The following COL26A1 variants were observed in gnomAD, a reference collection of about 807,000 sequenced individuals.
The protein encoded by COL26A1 is collagen type XXVI alpha 1 chain.
COL26A1 carries 41 observed loss-of-function variants against 59.3 expected under a neutral mutation model. That is an observed-to-expected ratio of 0.69 (90% CI 0.54 to 0.90). The LOEUF (loss-of-function observed/expected upper bound fraction) is 0.90. Ranked by LOEUF, COL26A1 falls within the 40% of genes least tolerant of loss-of-function variation. The pLI is 0.00. For missense variants in COL26A1, 612 were observed against 602.3 expected (o/e 1.02, Z -0.17); for synonymous variants, 266 against 256.0 (o/e 1.04, Z -0.37).
chr7:101,405,095 G>A (rs898341621), intron 1 of COL26A1, among the ~76,000 whole-genome samples: 2 of 151,532 alleles, frequency 1.3e-5, no homozygotes, highest in African/African-American at 2.4e-5. Flanking sequence ...GGTGGCAGGC[G>A]CCTGTAGTCC....
intron 3 of COL26A1, among the ~76,000 whole-genome samples, chr7:101,514,065 G>C (rs1794979652): frequency 6.6e-6 from 1 of 152,160 alleles, no homozygotes; most frequent in Non-Finnish European, 1.5e-5. Flanking sequence ...GCTCGGCACG[G>C]TGGCTCACTC....
intron 3 of COL26A1, among the ~76,000 whole-genome samples, chr7:101,515,631 G>C (rs982630002): frequency 6.7e-6 from 1 of 149,222 alleles, no homozygotes; most frequent in Non-Finnish European, 1.5e-5. Flanking sequence ...CTGTCACCCA[G>C]GCTAGAGTGC....
At chr7:101,382,274 C>T (rs548623443) in intron 1 of COL26A1, among the ~76,000 whole-genome samples, 1 of 152,206 alleles carries the variant, frequency 6.6e-6, no homozygotes, top group South Asian at 2.1e-4. Context: ...GTCTCAAATT[C>T]CTGGCCTCAA....
intron 3 of COL26A1, among the ~76,000 whole-genome samples, chr7:101,491,137 A>G (rs146201401): frequency 1.5e-3 from 230 of 151,970 alleles, no homozygotes; most frequent in East Asian, 8.5e-3. Context: ...TCTCACCTGA[A>G]AAATGGGGAT....
intron 2 of COL26A1, among the ~76,000 whole-genome samples, chr7:101,445,947 C>A (rs1793182828): frequency 6.8e-6 from 1 of 146,824 alleles, no homozygotes; most frequent in Admixed American, 7.0e-5. Flanking sequence ...ACTTGGGAGG[C>A]TGAGGCAGGA....
At chr7:101,450,224 G>A (rs941506091) in intron 3 of COL26A1, among the ~76,000 whole-genome samples, 3 of 151,964 alleles carry the variant, frequency 2.0e-5, no homozygotes, top group African/African-American at 7.3e-5. Flanking sequence ...TCTAGTTGTC[G>A]CCTCCCAGTG....
intron 3 of COL26A1, among the ~76,000 whole-genome samples, chr7:101,502,491 G>A (rs2130562577): frequency 6.6e-6 from 1 of 152,338 alleles, no homozygotes; most frequent in South Asian, 2.1e-4. Flanking sequence ...TTCCAAGAAG[G>A]GATTGGGCTT....
chr7:101,410,550 A>G (rs1235514888), intron 1 of COL26A1, among the ~76,000 whole-genome samples: 1 of 152,208 alleles, frequency 6.6e-6, no homozygotes, highest in Non-Finnish European at 1.5e-5. Flanking sequence ...ATAAAGGATG[A>G]AAAGGTCAGA....
At chr7:101,412,818 G>C (rs556939284) in intron 1 of COL26A1, among the ~76,000 whole-genome samples, 178 of 152,200 alleles carry the variant, frequency 1.2e-3, no homozygotes, top group Middle Eastern at 3.4e-3. Flanking sequence ...GCTTGTCCTT[G>C]AATTCTTTCC....
chr7:101,510,473 C>T (rs1290723584), intron 3 of COL26A1, among the ~76,000 whole-genome samples: 1 of 152,254 alleles, frequency 6.6e-6, no homozygotes, highest in East Asian at 1.9e-4. Context: ...CCTTTGCTCA[C>T]TACCTGCCAG....
At chr7:101,386,864 G>A (rs144140339) in intron 1 of COL26A1, among the ~76,000 whole-genome samples, 1,830 of 152,248 alleles carry the variant, frequency 0.012, 38 homozygotes, top group African/African-American at 0.042. Flanking sequence ...GTACTGGAAG[G>A]GGGTGGTAGC....
At chr7:101,427,713 C>T (rs941245965) in intron 2 of COL26A1, among the ~76,000 whole-genome samples, 17 of 151,716 alleles carry the variant, frequency 1.1e-4, no homozygotes, top group Admixed American at 9.2e-4. Context: ...GCTTTGTTGC[C>T]GAGGCTGGTC....
At chr7:101,438,191 A>G (rs2130346545) in intron 2 of COL26A1, among the ~76,000 whole-genome samples, 1 of 151,314 alleles carries the variant, frequency 6.6e-6, no homozygotes, top group African/African-American at 2.4e-5. Context: ...GAGAAACCGC[A>G]TATCTACTAA....
At chr7:101,427,899 T>C (rs1261421323) in intron 2 of COL26A1, among the ~76,000 whole-genome samples, 1 of 152,152 alleles carries the variant, frequency 6.6e-6, no homozygotes, top group African/African-American at 2.4e-5. Flanking sequence ...CTTAAAACTT[T>C]TGTGTGGAAA....
In COL26A1 at chr7:101,533,114, A is replaced by G. The variant is rs1166175322; in HGVS notation, c.418A>G (p.Ser140Gly). 1 of 1,607,902 alleles carries G rather than the reference A, an allele frequency of 6.2e-7. No individual in the cohort carries two copies. The highest frequency in any genetic ancestry group is 1.7e-5 in the Admixed American group (1 of 59,364). The change falls in exon 4 of 13, where the codon AGT becomes GGT. Residue 140 changes from serine (S) to glycine (G), a missense_variant. Physicochemically the swap from Ser to Gly is moderately conservative, Grantham distance 56. Coordinates refer to ENST00000313669, the MANE Select transcript of COL26A1 (RefSeq NM_001278563.3). ...GAACTGCACCCGGCTCAGTGACATGAGTGAGCGACTGACCACACTGGAGGC... is the reference window on the plus strand; with the variant it reads ...GAACTGCACCCGGCTCAGTGACATGGGTGAGCGACTGACCACACTGGAGGC... ...CMNCTRLSDM[S>G]ERLTTLEAKV...
intron 3 of COL26A1, among the ~76,000 whole-genome samples, chr7:101,450,684 A>C (rs898188174): frequency 1.3e-5 from 2 of 148,446 alleles, no homozygotes; most frequent in African/African-American, 2.5e-5. Context: ...ATTGTGATAT[A>C]TTAATAATAT....
At chr7:101,550,789 C>T (rs1014636834) in intron 9 of COL26A1, among the ~76,000 whole-genome samples, 4 of 152,088 alleles carry the variant, frequency 2.6e-5, no homozygotes, top group Non-Finnish European at 4.4e-5. Flanking sequence ...CCCTGGCCAT[C>T]GCTGTTAGTA....
At chr7:101,378,421 A>G (rs1366551197) in intron 1 of COL26A1, among the ~76,000 whole-genome samples, 1 of 152,166 alleles carries the variant, frequency 6.6e-6, no homozygotes, top group African/African-American at 2.4e-5. Context: ...CCCTATATGC[A>G]TGAAGCAGGA....
intron 3 of COL26A1, among the ~76,000 whole-genome samples, chr7:101,485,897 G>A (rs1794258276): frequency 1.3e-5 from 2 of 152,086 alleles, no homozygotes; most frequent in Non-Finnish European, 2.9e-5. Context: ...CGGAGCCCGG[G>A]CACGATGGCT....
Sources: allele counts gnomAD v4.1 joint callset (sites outside exome capture counted in the v4.1 genomes callset), GRCh38; gene constraint gnomAD v4.1.1; transcripts MANE v1.5; gene names NCBI Gene and HGNC (gene_info 2026-07-23, HGNC 2026-07-21).